The following SUGCT variants were observed in gnomAD, a reference collection of about 807,000 sequenced individuals.
SUGCT encodes succinyl-CoA:glutarate CoA-transferase.
SUGCT carries 41 observed loss-of-function variants against 55.0 expected under a neutral mutation model. That is an observed-to-expected ratio of 0.74 (90% CI 0.58 to 0.97). SUGCT has a LOEUF of 0.97. Among genes scored for constraint, SUGCT ranks in the 50% least tolerant of loss-of-function variants. SUGCT has a pLI of 0.00. For synonymous variants in SUGCT, 187 were observed against 200.4 expected (o/e 0.93, Z 0.56); for missense variants, 568 against 547.8 (o/e 1.04, Z -0.37).
chr7:40,956,838 A>G, the SUGCT span, among the ~76,000 whole-genome samples: 1 of 152,150 alleles, frequency 6.6e-6, no homozygotes, highest in Admixed American at 6.6e-5. Flanking sequence ...CATTGGTTTC[A>G]AAGAACTTAT....
intron 12 of SUGCT, among the ~76,000 whole-genome samples, chr7:40,548,186 C>CTTTTTT (rs1186226631): frequency 9.2e-4 from 97 of 104,942 alleles, no homozygotes; most frequent in African/African-American, 1.1e-3. Flanking sequence ...TTCTTTCTTT[C>CTTTTTT]TTTTTTTTTT....
Position 40,154,088 on chromosome 7 carries a change from T to C in SUGCT, c.100+18968T>C, listed in dbSNP as rs1262092095. 3 of 239,762 alleles carry C rather than the reference T, an allele frequency of 1.3e-5. No individual in the cohort carries two copies. In the South Asian group the frequency reaches 2.0e-4, roughly 16 times the overall value. 14.9% of individuals were successfully genotyped at this position (239,762 alleles called of 1,614,324 possible). ...TTGGGGGTCTTTGTGCTGCAGTTTA[T>C]ATTTTGAAATGTACACCTCAAGCTT... is the stretch of plus-strand genomic sequence containing the variant. On this transcript the variant is annotated intron_variant, in intron 1 of 13. Coordinates refer to ENST00000335693, the MANE Select transcript of SUGCT (RefSeq NM_001193313.2).
chr7:40,331,917 A>G (rs958966439), intron 9 of SUGCT, among the ~76,000 whole-genome samples: 30 of 152,234 alleles, frequency 2.0e-4, no homozygotes, highest in Non-Finnish European at 3.7e-4. Flanking sequence ...TAGTATAGCC[A>G]TCTTACAGGC....
chr7:40,460,342 G>A (rs1207829418), intron 11 of SUGCT, among the ~76,000 whole-genome samples: 1 of 152,182 alleles, frequency 6.6e-6, no homozygotes, highest in East Asian at 1.9e-4. Flanking sequence ...AGAACTGGGT[G>A]CCCTTTTCTG....
At chr7:40,901,524 TC>T in the SUGCT span, among the ~76,000 whole-genome samples, 2 of 152,036 alleles carry the variant, frequency 1.3e-5, no homozygotes, top group Non-Finnish European at 2.9e-5. Context: ...AAGAAGGTCA[TC>T]CCCAAGGCGT....
intron 1 of SUGCT, chr7:40,153,303 CAT>C: frequency 2.6e-6 from 1 of 390,916 alleles, no homozygotes. Context: ...AGTTTAGAGT[CAT>C]GTGCAACAGA....
chr7:40,324,261 A>ATATATATATATATACATATATATT (rs377215730), intron 9 of SUGCT, among the ~76,000 whole-genome samples: 122 of 99,960 alleles, frequency 1.2e-3, no homozygotes, highest in Non-Finnish European at 2.0e-3. Context: ...AAATATATAT[A>ATATATATATATATACATATATATT]TATTTATTTT....
chr7:40,666,219 A>AGG (rs2151861914), intron 12 of SUGCT, among the ~76,000 whole-genome samples: 1 of 151,710 alleles, frequency 6.6e-6, no homozygotes, highest in East Asian at 1.9e-4. Flanking sequence ...GTGTGGTGGC[A>AGG]CATGCCTGTA....
At chr7:40,994,889 A>G in the SUGCT span, among the ~76,000 whole-genome samples, 1 of 152,136 alleles carries the variant, frequency 6.6e-6, no homozygotes, top group African/African-American at 2.4e-5. Flanking sequence ...CACATGTAAT[A>G]TACAGGTTTC....
intron 12 of SUGCT, among the ~76,000 whole-genome samples, chr7:40,633,519 A>G (rs1252008612): frequency 1.3e-5 from 2 of 152,222 alleles, no homozygotes; most frequent in Non-Finnish European, 2.9e-5. Context: ...GTCAGTGCAT[A>G]TGTCAAATCA....
chr7:41,036,487 G>T, the SUGCT span, among the ~76,000 whole-genome samples: 1 of 152,002 alleles, frequency 6.6e-6, no homozygotes, highest in Admixed American at 6.6e-5. Flanking sequence ...GTCATGTCTT[G>T]ACACTGTTCG....
intron 13 of SUGCT, among the ~76,000 whole-genome samples, chr7:40,818,243 A>G (rs1425419805): frequency 1.3e-5 from 2 of 152,178 alleles, no homozygotes; most frequent in African/African-American, 2.4e-5. Flanking sequence ...TTGTTACTCT[A>G]TGGAGGTCTA....
intron 6 of SUGCT, among the ~76,000 whole-genome samples, chr7:40,207,269 G>A (rs1028682020): frequency 6.6e-6 from 1 of 152,064 alleles, no homozygotes. Flanking sequence ...AATACACATT[G>A]CTTCAAAGAA....
chr7:40,418,427 T>C (rs978128469), intron 9 of SUGCT, among the ~76,000 whole-genome samples: 1 of 152,220 alleles, frequency 6.6e-6, no homozygotes. Flanking sequence ...TGCCTTGCCA[T>C]GTTCCTGATT....
chr7:41,026,057 G>T, the SUGCT span, among the ~76,000 whole-genome samples: 1 of 152,210 alleles, frequency 6.6e-6, no homozygotes, highest in Admixed American at 6.5e-5. Flanking sequence ...CACGGGGTGT[G>T]CAAACGCAGG....
chr7:40,534,416 A>C (rs931203271), intron 12 of SUGCT, among the ~76,000 whole-genome samples: 1 of 151,636 alleles, frequency 6.6e-6, no homozygotes, highest in Non-Finnish European at 1.5e-5. Flanking sequence ...ACGGAGTCTC[A>C]CTCTGTCGCC....
chr7:40,197,202 T>C (rs1468297852), intron 6 of SUGCT, among the ~76,000 whole-genome samples: 1 of 152,180 alleles, frequency 6.6e-6, no homozygotes, highest in East Asian at 1.9e-4. Context: ...CCACTAGATC[T>C]CACTTTTTAA....
chr7:40,180,581 C>T (rs1385812099), intron 1 of SUGCT, among the ~76,000 whole-genome samples: 1 of 151,928 alleles, frequency 6.6e-6, no homozygotes, highest in Non-Finnish European at 1.5e-5. Flanking sequence ...CCTCTGCCTC[C>T]TGGGTTCAAG....
chr7:40,229,888 A>T lies in SUGCT; in HGVS notation c.485-7747A>T, dbSNP rs147253820. 1.6e-3 allele frequency among the ~76,000 whole-genome samples: 249 copies of T among 152,216 alleles called. 2 individuals are homozygous for T. Among genetic ancestry groups the T allele is most frequent in the Non-Finnish European group, 2.1e-3 (145 of 68,016 alleles). On this transcript the variant is annotated intron_variant, in intron 6 of 13. Transcript: ENST00000335693. ...ATTCAGAAACATCCTACACTAGAAA[A>T]TGAGTAGAGAAATAAACAGAATCCA...
Sources: allele counts gnomAD v4.1 joint callset (sites outside exome capture counted in the v4.1 genomes callset), GRCh38; gene constraint gnomAD v4.1.1; transcripts MANE v1.5; gene names NCBI Gene and HGNC (gene_info 2026-07-23, HGNC 2026-07-21).